PPFIA2: variants seen among roughly 807,000 people sequenced by gnomAD.
PPFIA2 encodes liprin-alpha-2.
PPFIA2 carries 46 observed loss-of-function variants against 175.5 expected under a neutral mutation model. The ratio of observed to expected loss-of-function variants is 0.26; its 90% CI spans 0.21 to 0.34. The LOEUF is 0.34. PPFIA2 is among the 10% of genes least tolerant of loss of function. The probability of loss-of-function intolerance (pLI) is 1.00; values close to 1 mark genes in which losing one functional copy is unlikely to be tolerated. For synonymous variants in PPFIA2, 568 were observed against 511.4 expected (o/e 1.11, Z -1.49); for missense variants, 1,179 against 1,506.1 (o/e 0.78, Z 3.60).
chr12:81,490,447 T>C (rs2059305724), intron 4 of PPFIA2, among the ~76,000 whole-genome samples: 1 of 151,910 alleles, frequency 6.6e-6, no homozygotes, highest in Admixed American at 6.6e-5. Flanking sequence ...ACCACGAATG[T>C]TTCTAAATGG....
At chr12:81,442,850 T>C (rs1357781564) in intron 6 of PPFIA2, among the ~76,000 whole-genome samples, 2 of 22,662 alleles carry the variant, frequency 8.8e-5, no homozygotes, top group Non-Finnish European at 1.7e-4. Flanking sequence ...TCTGACTTCA[T>C]ATATATATAT....
At position 81,722,512 on chromosome 12, in the gene PPFIA2, A is replaced by G. The variant is rs73348352; in HGVS notation, c.249+31461T>C. ...TTTTGTAGTTTCTCCCTAAAATTTAAAAAGTAATTTCTCCTTAATCAACAA... is the reference window on the plus strand; with the variant it reads ...TTTTGTAGTTTCTCCCTAAAATTTAGAAAGTAATTTCTCCTTAATCAACAA... On this transcript the variant is annotated intron_variant, in intron 3 of 32. Transcript: ENST00000549396. 4.1e-3 allele frequency among the ~76,000 whole-genome samples: 615 copies of G among 151,286 alleles called. 4 individuals are homozygous for G. Among genetic ancestry groups the G allele is most frequent in the African/African-American group, 0.014 (591 of 41,454 alleles).
intron 4 of PPFIA2, among the ~76,000 whole-genome samples, chr12:81,549,271 G>T (rs2067493164): frequency 6.6e-6 from 1 of 151,942 alleles, no homozygotes; most frequent in Non-Finnish European, 1.5e-5. Context: ...TGTTTTACTG[G>T]AAAGATATCA....
chr12:81,587,052 G>A (rs181943559), intron 4 of PPFIA2, among the ~76,000 whole-genome samples: 106 of 152,002 alleles, frequency 7.0e-4, no homozygotes, highest in Non-Finnish European at 1.3e-3. Context: ...AGTAAAAATA[G>A]AGAAATAATT....
intron 4 of PPFIA2, among the ~76,000 whole-genome samples, chr12:81,585,597 T>C (rs1024722579): frequency 1.4e-4 from 21 of 151,848 alleles, no homozygotes; most frequent in African/African-American, 4.6e-4. Flanking sequence ...ACCATTGTCG[T>C]CCACCTCCAC....
chr12:81,461,769 CT>C (rs2054578535), intron 4 of PPFIA2, among the ~76,000 whole-genome samples: 1 of 151,798 alleles, frequency 6.6e-6, no homozygotes, highest in African/African-American at 2.4e-5. Context: ...TTTCTTGTTT[CT>C]TTCACAAACT....
intron 21 of PPFIA2, among the ~76,000 whole-genome samples, chr12:81,338,874 T>C (rs2057558306): frequency 6.6e-6 from 1 of 152,074 alleles, no homozygotes; most frequent in Non-Finnish European, 1.5e-5. Flanking sequence ...AAAATAAGGT[T>C]TATACCACTA....
At chr12:81,635,959 A>G (rs1277074940) in intron 4 of PPFIA2, among the ~76,000 whole-genome samples, 1 of 152,056 alleles carries the variant, frequency 6.6e-6, no homozygotes, top group African/African-American at 2.4e-5. Context: ...AAATGTTTGA[A>G]TTTTAGAAAC....
intron 8 of PPFIA2, among the ~76,000 whole-genome samples, chr12:81,392,879 C>A (rs2040408295): frequency 6.6e-6 from 1 of 151,942 alleles, no homozygotes; most frequent in Non-Finnish European, 1.5e-5. Context: ...TGAGTTCTCT[C>A]TTTTTCTCCC....
chr12:81,519,742 C>T (rs2062882023), intron 4 of PPFIA2, among the ~76,000 whole-genome samples: 1 of 152,150 alleles, frequency 6.6e-6, no homozygotes, highest in African/African-American at 2.4e-5. Flanking sequence ...CTATTCAGAA[C>T]TTATAATAAC....
chr12:81,679,624 A>G (rs752522353), intron 3 of PPFIA2, among the ~76,000 whole-genome samples: 4 of 151,960 alleles, frequency 2.6e-5, no homozygotes, highest in Non-Finnish European at 5.9e-5. Context: ...TTCAAAATCA[A>G]TTACGAATTC....
At chr12:81,337,159 T>G (rs1173690041) in intron 21 of PPFIA2, among the ~76,000 whole-genome samples, 2 of 152,168 alleles carry the variant, frequency 1.3e-5, no homozygotes, top group Admixed American at 6.6e-5. Flanking sequence ...CAGTAAAGAC[T>G]TTGTTCTTTT....
intron 4 of PPFIA2, among the ~76,000 whole-genome samples, chr12:81,543,883 A>C (rs1484719855): frequency 6.6e-6 from 1 of 152,154 alleles, no homozygotes; most frequent in African/African-American, 2.4e-5. Context: ...AATATCAGAC[A>C]AATACAAGTT....
At chr12:81,586,809 C>G (rs966497499) in intron 4 of PPFIA2, among the ~76,000 whole-genome samples, 7 of 151,846 alleles carry the variant, frequency 4.6e-5, no homozygotes, top group African/African-American at 1.7e-4. Flanking sequence ...CCTGTGCTCA[C>G]TTAACATTAC....
intron 8 of PPFIA2, among the ~76,000 whole-genome samples, chr12:81,395,532 G>T (rs886780256): frequency 1.4e-5 from 2 of 146,612 alleles, no homozygotes; most frequent in African/African-American, 5.2e-5. Context: ...ATCTGTCTCT[G>T]ACCTTCCTCT....
At chr12:81,341,291 G>C (rs778640490) in intron 19 of PPFIA2, 83 bp from the exon 20 acceptor site, 1 of 1,346,178 alleles carries the variant, frequency 7.4e-7, no homozygotes, top group Non-Finnish European at 1.0e-6. Context: ...ATGAGAACAA[G>C]GCTGTCGAGT....
intron 4 of PPFIA2, among the ~76,000 whole-genome samples, chr12:81,489,608 C>G (rs2059211546): frequency 6.6e-6 from 1 of 151,850 alleles, no homozygotes; most frequent in South Asian, 2.1e-4. Context: ...ATAAATCTAT[C>G]TTTGAGAAAT....
In PPFIA2 at chr12:81,698,877, T is replaced by C. The variant is rs1161395020; in HGVS notation, c.250-22033A>G. 3.3e-5 allele frequency among the ~76,000 whole-genome samples: 5 copies of C among 152,246 alleles called. No homozygotes were observed. The East Asian group carries it at 9.7e-4, about 29-fold the overall frequency. On this transcript the variant is annotated intron_variant, in intron 3 of 32. Coordinates refer to ENST00000549396, the MANE Select transcript of PPFIA2 (RefSeq NM_003625.5). Reference sequence around the variant, plus strand: ...AGTAGACTGTATATGAGTTATCTATTGTATGTTCCATGACAATTAACATTT... The same window carrying C: ...AGTAGACTGTATATGAGTTATCTATCGTATGTTCCATGACAATTAACATTT...
chr12:81,451,923 G>T (rs1042902306), intron 5 of PPFIA2, among the ~76,000 whole-genome samples: 2 of 152,052 alleles, frequency 1.3e-5, no homozygotes, highest in African/African-American at 4.8e-5. Flanking sequence ...ACCTTCACTG[G>T]GAGCTACAAC....
Sources: allele counts gnomAD v4.1 joint callset (sites outside exome capture counted in the v4.1 genomes callset), GRCh38; gene constraint gnomAD v4.1.1; transcripts MANE v1.5; gene names NCBI Gene and HGNC (gene_info 2026-07-23, HGNC 2026-07-21).